FOLH1: variants seen among roughly 807,000 people sequenced by gnomAD.
The protein encoded by FOLH1 is folate hydrolase 1.
Under a neutral mutation model 93.9 loss-of-function variants are expected in FOLH1, and 54 were observed. The observed-to-expected ratio is 0.57, with a 90% CI of 0.46 to 0.72. The LOEUF (loss-of-function observed/expected upper bound fraction) is 0.72, where lower values mean the gene tolerates loss of function less well. Ranked by LOEUF, FOLH1 falls within the 30% of genes least tolerant of loss-of-function variation. FOLH1 has a pLI of 0.00. For missense variants in FOLH1, 571 were observed against 892.5 expected (o/e 0.64, Z 4.59); for synonymous variants, 249 against 303.6 (o/e 0.82, Z 1.87).
chr11:49,168,343 T>A (rs1858714441), intron 12 of FOLH1, among the ~76,000 whole-genome samples: 1 of 152,128 alleles, frequency 6.6e-6, no homozygotes, highest in Non-Finnish European at 1.5e-5. Context: ...ATGGTCAAGA[T>A]ATAGATATAT....
chr11:49,208,507 T>G lies in FOLH1; in HGVS notation c.-98A>C, dbSNP rs1457785712. 1 of 782,512 alleles carries G rather than the reference T, an allele frequency of 1.3e-6. No homozygotes were observed. 48.5% of individuals were successfully genotyped at this position (782,512 alleles called of 1,614,324 possible). A position where few individuals can be genotyped will look rare whatever the true frequency, so the allele number is the denominator to read the frequency against. On this transcript the variant is annotated 5_prime_UTR_variant, in exon 1 of 19. Coordinates refer to ENST00000256999, the MANE Select transcript of FOLH1 (RefSeq NM_004476.3). The stretch of plus-strand genomic sequence containing the variant: ...CACGGCGGGGTAAAGTCTCTCTCAA[T>G]CTCACTAATGCCTCGCTTATCAGCC...
intron 3 of FOLH1, among the ~76,000 whole-genome samples, chr11:49,196,620 A>G (rs1227987460): frequency 7.8e-6 from 1 of 128,854 alleles, no homozygotes; most frequent in Admixed American, 7.3e-5. Context: ...TTCTAACATT[A>G]GAATACACTG....
Position 49,208,429 on chromosome 11 carries a change from G to T in FOLH1, c.-20C>A. ...CCACATCTCGGCGCGAGCAGAGCCG[G>T]CCTCCCGGGACCCGCGCCTGTGCTG... On this transcript the variant is annotated 5_prime_UTR_variant, in exon 1 of 19. Transcript: ENST00000256999. The T allele has an allele frequency of 6.4e-7, 1 of 1,555,290 alleles. No individual in the cohort carries two copies. Among genetic ancestry groups the T allele is most frequent in the Non-Finnish European group, 8.8e-7 (1 of 1,140,108 alleles).
At chr11:49,154,171 T>A in intron 16 of FOLH1, 57 bp downstream of exon 16, 2 of 1,586,164 alleles carry the variant, frequency 1.3e-6, no homozygotes, top group Non-Finnish European at 1.7e-6. Context: ...CCCATTATAT[T>A]TAGGAGATTA....
intron 17 of FOLH1, among the ~76,000 whole-genome samples, chr11:49,153,538 A>G (rs1345676301): frequency 3.3e-5 from 5 of 152,138 alleles, no homozygotes; most frequent in Admixed American, 6.6e-5. Context: ...GGAGGGAGGG[A>G]CTGACATTTC....
chr11:49,167,127 G>A (rs1265925206), intron 12 of FOLH1, among the ~76,000 whole-genome samples: 1 of 151,676 alleles, frequency 6.6e-6, no homozygotes, highest in African/African-American at 2.4e-5. Flanking sequence ...ATTTATTCTG[G>A]GTGGGCATAT....
At chr11:49,192,268 G>A (rs1048089138) in intron 4 of FOLH1, among the ~76,000 whole-genome samples, 2 of 152,000 alleles carry the variant, frequency 1.3e-5, no homozygotes, top group Non-Finnish European at 2.9e-5. Flanking sequence ...TAAAGAAGGA[G>A]AATATTAATA....
At chr11:49,156,848 G>T (rs765506585) in intron 14 of FOLH1, 41 bp from the exon 15 acceptor site, 23 of 1,607,048 alleles carry the variant, frequency 1.4e-5, no homozygotes, top group South Asian at 2.2e-5. Context: ...AAAGTAATTT[G>T]TTCATTAAGC....
intron 12 of FOLH1, among the ~76,000 whole-genome samples, chr11:49,165,139 C>G (rs1056754772): frequency 6.6e-6 from 1 of 152,154 alleles, no homozygotes; most frequent in African/African-American, 2.4e-5. Context: ...CCCTGATCAC[C>G]CTACCTAAAA....
At chr11:49,193,596 C>T (rs1156885049) in intron 3 of FOLH1, among the ~76,000 whole-genome samples, 1 of 151,734 alleles carries the variant, frequency 6.6e-6, no homozygotes, top group Non-Finnish European at 1.5e-5. Flanking sequence ...ATTCTCTGAA[C>T]AACATATGCA....
At chr11:49,198,346 G>A (rs1419304372) in intron 3 of FOLH1, among the ~76,000 whole-genome samples, 3 of 152,080 alleles carry the variant, frequency 2.0e-5, no homozygotes, top group Non-Finnish European at 4.4e-5. Flanking sequence ...GCCGGGCGTC[G>A]TGGCGGGAGC....
Position 49,146,796 on chromosome 11 carries a change from G to A in FOLH1, c.2213C>T (p.Thr738Ile), listed in dbSNP as rs759372952. ...VKRQIYVAAFTVQAAAETLSE... is the reference protein window; with the variant it reads ...VKRQIYVAAFIVQAAAETLSE... ...CAAAGTCTCTGCAGCTGCCTGCACT[G>A]TGAAGGCTGCAACATAAATCTGTCT... Residue 738 changes from threonine to isoleucine, a missense_variant, in exon 19 of 19, where the codon ACA becomes ATA. Physicochemically the swap from Thr to Ile is moderately conservative, Grantham distance 89 (BLOSUM62 -1). Around this residue, in one of 2 missense-constraint regions of FOLH1, gnomAD observed 500 missense variants for 822.9 expected, o/e 0.61. Coordinates refer to ENST00000256999, the MANE Select transcript of FOLH1 (RefSeq NM_004476.3). 2 of 1,613,302 alleles carry A rather than the reference G, an allele frequency of 1.2e-6. No individual in the cohort carries two copies. Among genetic ancestry groups the A allele is most frequent in the South Asian group, 1.1e-5 (1 of 91,040 alleles).
At chr11:49,167,556 C>T (rs550233903) in intron 12 of FOLH1, among the ~76,000 whole-genome samples, 1 of 152,234 alleles carries the variant, frequency 6.6e-6, no homozygotes, top group African/African-American at 2.4e-5. Context: ...GGCTCAGACC[C>T]GTAATCCTAG....
chr11:49,158,386 C>T (rs866296744), intron 13 of FOLH1, among the ~76,000 whole-genome samples: 1 of 152,112 alleles, frequency 6.6e-6, no homozygotes, highest in Non-Finnish European at 1.5e-5. Context: ...AAAACTATTT[C>T]TCATCTCACA....
At chr11:49,207,351 T>C (rs902214695) in intron 1 of FOLH1, among the ~76,000 whole-genome samples, 5 of 152,220 alleles carry the variant, frequency 3.3e-5, no homozygotes, top group African/African-American at 1.2e-4. Context: ...ATGAAGATTG[T>C]TATGAGCACA....
At position 49,186,720 on chromosome 11, in the gene FOLH1, A is replaced by C. The variant is rs1458817239; in HGVS notation, c.563T>G (p.Leu188Trp). Residue 188 changes from leucine to tryptophan, a missense_variant, in exon 5 of 19, where the codon TTG (leucine) becomes TGG (tryptophan). Coordinates refer to ENST00000256999, the MANE Select transcript of FOLH1 (RefSeq NM_004476.3). ...NYARTEDFFK[L>W]ERDMKINCSG... ...GCAATTGATTTTCATGTCCCGTTCCAATTTAAAGAAGTCTTCAGTTCGTGC... is the reference window on the plus strand; with the variant it reads ...GCAATTGATTTTCATGTCCCGTTCCCATTTAAAGAAGTCTTCAGTTCGTGC... 3 of 1,613,316 alleles carry C rather than the reference A, an allele frequency of 1.9e-6. No homozygotes were observed. Among genetic ancestry groups the C allele is most frequent in the Admixed American group, 3.3e-5 (2 of 59,910 alleles).
chr11:49,204,362 T>C (rs747974241), intron 2 of FOLH1, among the ~76,000 whole-genome samples: 1 of 152,218 alleles, frequency 6.6e-6, no homozygotes, highest in Non-Finnish European at 1.5e-5. Flanking sequence ...CCCAGTTGAA[T>C]TCTTTCTTCT....
At chr11:49,173,277 G>A (rs1859588340) in intron 10 of FOLH1, 80 bp downstream of exon 10, 2 of 1,397,866 alleles carry the variant, frequency 1.4e-6, no homozygotes, top group Non-Finnish European at 1.9e-6. Flanking sequence ...GGTTGAGGTA[G>A]TATTTTTATA....
intron 7 of FOLH1, among the ~76,000 whole-genome samples, chr11:49,179,468 A>G (rs1475063085): frequency 6.6e-6 from 1 of 152,248 alleles, no homozygotes; most frequent in Admixed American, 6.5e-5. Context: ...GGAAATTCAC[A>G]AATATATGGA....
Sources: gnomAD v4.1 joint callset for allele counts (sites outside exome capture counted in the v4.1 genomes callset) on GRCh38, gnomAD v4.1.1 for gene constraint, gnomAD v4.1.1 regional missense constraint, MANE v1.5 for transcripts, NCBI Gene and HGNC (gene_info 2026-07-23, HGNC 2026-07-21) for gene names.